The following ZNF749 variants were observed in gnomAD, a reference collection of about 807,000 sequenced individuals.
ZNF749 encodes zinc finger protein 749.
A neutral mutation model predicts 7.3 loss-of-function variants in ZNF749; 8 were observed. The ratio of observed to expected loss-of-function variants is 1.10; its 90% CI spans 0.64 to 1.98. The LOEUF (loss-of-function observed/expected upper bound fraction) is 1.98, where lower values mean the gene tolerates loss of function less well. Ranked by LOEUF, ZNF749 falls within the 30% of genes most tolerant of loss-of-function variation. The pLI, the probability that ZNF749 is intolerant of heterozygous loss-of-function variation, is 0.00. For missense variants in ZNF749, 898 were observed against 932.4 expected (o/e 0.96, Z 0.48); for synonymous variants, 310 against 322.4 (o/e 0.96, Z 0.41).
intron 1 of ZNF749, among the ~76,000 whole-genome samples, chr19:57,440,032 T>C (rs1171397449): frequency 6.6e-6 from 1 of 152,052 alleles, no homozygotes; most frequent in Admixed American, 6.5e-5. Context: ...CAAAGACAGA[T>C]GAGAGAGTGG....
intron 1 of ZNF749, among the ~76,000 whole-genome samples, chr19:57,440,445 G>T (rs141493286): frequency 6.1e-4 from 93 of 151,968 alleles, no homozygotes; most frequent in Non-Finnish European, 1.1e-3. Flanking sequence ...TTGGGTTTTG[G>T]GGGGGCTGAG....
At chr19:57,433,687 C>G (rs1345701818), upstream of ZNF749, among the ~76,000 whole-genome samples, 1 of 150,582 alleles carries the variant, frequency 6.6e-6, no homozygotes, top group Non-Finnish European at 1.5e-5. Flanking sequence ...TAGCCCTTTC[C>G]TTTTCTGAAT....
rs778523791 is a variant in ZNF749, at chr19:57,443,382, G to T, written c.234G>T (p.Leu78Phe). The T allele has an allele frequency of 3.1e-6, 5 of 1,614,102 alleles. No homozygotes were observed. The highest frequency in any genetic ancestry group is 2.2e-5 in the South Asian group (2 of 91,094). ...AGGTCACAATTCCAAAGCCAGCTTTGTCCACCCTGAAGGCCCAGCCCTGCA... is the reference window on the plus strand; with the variant it reads ...AGGTCACAATTCCAAAGCCAGCTTTTTCCACCCTGAAGGCCCAGCCCTGCA... ...VLQVTIPKPALSTLKAQPCKM... is the reference protein window; with the variant it reads ...VLQVTIPKPAFSTLKAQPCKM... Residue 78 changes from leucine (L) to phenylalanine (F), a missense_variant, in exon 3 of 3, where the codon TTG becomes TTT. Transcript: ENST00000334181.
Position 57,442,463 on chromosome 19 carries a change from T to C in ZNF749, c.142+452T>C, listed in dbSNP as rs1470853628. 2.6e-5 allele frequency among the ~76,000 whole-genome samples: 4 copies of C among 152,344 alleles called. No individual in the cohort carries two copies. In the East Asian group the frequency reaches 7.7e-4, roughly 29 times the overall value. ...CTGCAGGACGCTCTACTGGGTGTTC[T>C]GGTAGCTTTAGAATGCAGCATGTCC... On this transcript the variant is annotated intron_variant, in intron 2 of 2. Transcript: ENST00000334181. The surrounding 1 kb of genome is among the most constrained non-coding windows in gnomAD (Gnocchi z 6.6).
Position 57,445,015 on chromosome 19 carries a change from T to C in ZNF749, c.1867T>C (p.Tyr623His), listed in dbSNP as rs753763613. The change falls in exon 3 of 3, where the codon TAT becomes CAT. Residue 623 changes from tyrosine to histidine, a missense_variant. Coordinates refer to ENST00000334181, the MANE Select transcript of ZNF749 (RefSeq NM_001023561.4). ...KCSKCGKFFR[Y>H]RCTLSRHQKV... Reference sequence around the variant, plus strand: ...CAGCAAATGTGGGAAATTCTTTAGATATCGCTGTACACTGAGTAGACATCA... The same window carrying C: ...CAGCAAATGTGGGAAATTCTTTAGACATCGCTGTACACTGAGTAGACATCA... The C allele has an allele frequency of 6.2e-7, 1 of 1,614,126 alleles. No individual in the cohort carries two copies. The highest frequency in any genetic ancestry group is 8.5e-7 in the Non-Finnish European group (1 of 1,180,010).
At chr19:57,443,166 T>G in intron 2 of ZNF749, 125 bp from the exon 3 acceptor site, 2 of 805,042 alleles carry the variant, frequency 2.5e-6, no homozygotes, top group Non-Finnish European at 4.0e-6. Flanking sequence ...CTCACTGGCC[T>G]TATTTCCTTG....
At chr19:57,434,280 A>G (rs542766921), upstream of ZNF749, among the ~76,000 whole-genome samples, 13 of 152,132 alleles carry the variant, frequency 8.5e-5, no homozygotes, top group Non-Finnish European at 1.8e-4. Context: ...TATTTTTAGT[A>G]GAGATGGGGT....
In ZNF749 at chr19:57,445,500, G is replaced by A; in HGVS notation, c.*15G>A. 1.3e-6 allele frequency: 2 copies of A among 1,585,586 alleles called. No individual in the cohort carries two copies. Among genetic ancestry groups the A allele is most frequent in the Non-Finnish European group, 1.7e-6 (2 of 1,166,194 alleles). On this transcript the variant is annotated 3_prime_UTR_variant, in exon 3 of 3. Coordinates refer to ENST00000334181, the MANE Select transcript of ZNF749 (RefSeq NM_001023561.4). ...AAAGGCCTTAGTGGAGTGAATGCAGGAAAGTCACCAAAACTGTCACCTCAT... is the reference window on the plus strand; with the variant it reads ...AAAGGCCTTAGTGGAGTGAATGCAGAAAAGTCACCAAAACTGTCACCTCAT...
rs781217321 is a variant in ZNF749, at chr19:57,436,154, T to C, written c.15+561T>C. On this transcript the variant is annotated intron_variant, in intron 1 of 2. Coordinates refer to ENST00000334181, the MANE Select transcript of ZNF749 (RefSeq NM_001023561.4). This position sits in a 1 kb window ranked among gnomAD's most constrained non-coding sequence, Gnocchi z 4.0. ...AGTCGGTAGTGAATGGTGTCTTCCATAGGTTTTGTTTTGGCCTGAAAAATC... is the reference window on the plus strand; with the variant it reads ...AGTCGGTAGTGAATGGTGTCTTCCACAGGTTTTGTTTTGGCCTGAAAAATC... Among the ~76,000 whole-genome samples, 5 of 152,080 alleles carry C rather than the reference T, an allele frequency of 3.3e-5. No homozygotes were observed. Among genetic ancestry groups the C allele is most frequent in the South Asian group, 2.1e-4 (1 of 4,824 alleles).
rs935685057 is a variant in ZNF749 at position 57,439,254 on chromosome 19, G to C, written c.16-2631G>C. 4.6e-5 allele frequency among the ~76,000 whole-genome samples: 7 copies of C among 152,004 alleles called. No homozygotes were observed. The highest frequency in any genetic ancestry group is 1.4e-4 in the African/African-American group (6 of 41,382). ...AGTGGCGGTGGTGGAAGTGGGAGGAGTGGGGGGCTTCTGTATGTGTTTGAT... is the reference window on the plus strand; with the variant it reads ...AGTGGCGGTGGTGGAAGTGGGAGGACTGGGGGGCTTCTGTATGTGTTTGAT... On this transcript the variant is annotated intron_variant, in intron 1 of 2. Coordinates refer to ENST00000334181, the MANE Select transcript of ZNF749 (RefSeq NM_001023561.4). The surrounding 1 kb of genome is among the most constrained non-coding windows in gnomAD (Gnocchi z 4.3).
At chr19:57,431,332 A>C (rs2088898069), upstream of ZNF749, among the ~76,000 whole-genome samples, 1 of 152,176 alleles carries the variant, frequency 6.6e-6, no homozygotes. Flanking sequence ...TTTTCTTTTC[A>C]ACTGAAATGT....
chr19:57,433,300 ATGTGGGATGT>A (rs1223945177), upstream of ZNF749, among the ~76,000 whole-genome samples: 1 of 152,184 alleles, frequency 6.6e-6, no homozygotes, highest in Admixed American at 6.5e-5. Context: ...GCGAGTTGTT[ATGTGGGATGT>A]TGTCTGGCTT....
At chr19:57,431,520 G>A (rs958896458), upstream of ZNF749, among the ~76,000 whole-genome samples, 28 of 152,184 alleles carry the variant, frequency 1.8e-4, no homozygotes, top group African/African-American at 6.0e-4. Flanking sequence ...TGAGAGGAGT[G>A]TAATGATTAT....
upstream of ZNF749, among the ~76,000 whole-genome samples, chr19:57,432,125 G>A (rs765767088): frequency 2.0e-5 from 3 of 151,620 alleles, no homozygotes; most frequent in Admixed American, 6.6e-5. Context: ...GAGCCACCGC[G>A]CCCAGCCTAT....
At chr19:57,438,113 G>A (rs2088953026) in intron 1 of ZNF749, 6 of 398,794 alleles carry the variant, frequency 1.5e-5, no homozygotes, top group Admixed American at 4.4e-5. Context: ...CCGAAAGAAT[G>A]AGGGTCGTGA....
At position 57,443,626 on chromosome 19, in the gene ZNF749, G is replaced by A. The variant is rs536239958; in HGVS notation, c.478G>A (p.Asp160Asn). Residue 160 changes from aspartate to asparagine, a missense_variant, in exon 3 of 3, where the codon GAT becomes AAT. Coordinates refer to ENST00000334181, the MANE Select transcript of ZNF749 (RefSeq NM_001023561.4). ...RNFTCTQGGKDFTASSDLLQQ... is the reference protein window; with the variant it reads ...RNFTCTQGGKNFTASSDLLQQ... ...CTTCACATGCACGCAGGGTGGCAAG[G>A]ATTTTACTGCCAGCTCAGACCTTCT... 9.3e-6 allele frequency: 15 copies of A among 1,614,228 alleles called. No individual in the cohort carries two copies. The East Asian group carries it at 1.6e-4, about 17-fold the overall frequency.
In ZNF749 at chr19:57,444,527, A is replaced by AC. The variant is rs1447025630; in HGVS notation, c.1380dup (p.Thr461HisfsTer2). On this transcript the variant is annotated frameshift_variant, in exon 3 of 3. Coordinates refer to ENST00000334181, the MANE Select transcript of ZNF749 (RefSeq NM_001023561.4). LOFTEE classifies it low-confidence loss of function (END_TRUNC). ...CACCTAGTTCAGCACCAGAAAATCC[A>AC]CACTGATGCATTTTCAAAAAGGTCT... 6.2e-7 allele frequency: 1 copy of AC among 1,613,822 alleles called. No homozygotes were observed. Among genetic ancestry groups the AC allele is most frequent in the African/African-American group, 1.3e-5 (1 of 74,892 alleles).
rs371385051 is a variant in ZNF749 at position 57,443,476 on chromosome 19, G to A, written c.328G>A (p.Gly110Arg). 8.7e-6 allele frequency: 14 copies of A among 1,614,092 alleles called. No individual in the cohort carries two copies. Among genetic ancestry groups the A allele is most frequent in the Non-Finnish European group, 1.2e-5 (14 of 1,180,020 alleles). The change falls in exon 3 of 3, where the codon GGG (glycine) becomes AGG (arginine). Residue 110 changes from glycine to arginine, a missense_variant. Physicochemically the swap from Gly to Arg is moderately radical, Grantham distance 125. Transcript: ENST00000334181. ...GCACGATGGAACACACCCTGAGCAAGGGCTGTACACATGTGCAGCAGAGCA... is the reference window on the plus strand; with the variant it reads ...GCACGATGGAACACACCCTGAGCAAAGGCTGTACACATGTGCAGCAGAGCA... ...AEHDGTHPEQ[G>R]LYTCAAEHDL...
At position 57,436,603 on chromosome 19, in the gene ZNF749, G is replaced by T. The variant is rs551946519; in HGVS notation, c.15+1010G>T. ...GTAGTCACTCCACCCTTCTAACTCA[G>T]CTGGCCCTGAGGGCCACTCTTTAGG... On this transcript the variant is annotated intron_variant, in intron 1 of 2. Transcript: ENST00000334181. The surrounding 1 kb of genome is among the most constrained non-coding windows in gnomAD (Gnocchi z 4.0). 6.6e-6 allele frequency among the ~76,000 whole-genome samples: 1 copy of T among 152,214 alleles called. No individual in the cohort carries two copies. Among genetic ancestry groups the T allele is most frequent in the East Asian group, 1.9e-4 (1 of 5,192 alleles).
Sources: gnomAD v4.1 joint callset for allele counts (sites outside exome capture counted in the v4.1 genomes callset) on GRCh38, gnomAD v4.1.1 for gene constraint, Gnocchi (gnomAD v3.1) non-coding constraint, MANE v1.5 for transcripts, NCBI Gene and HGNC (gene_info 2026-07-23, HGNC 2026-07-21) for gene names.